The following EFNA5 variants were observed in gnomAD, a reference collection of about 807,000 sequenced individuals.
The protein encoded by EFNA5 is ephrin A5.
Under a neutral mutation model 22.9 loss-of-function variants are expected in EFNA5, and 5 were observed. The ratio of observed to expected loss-of-function variants is 0.22; its 90% CI spans 0.11 to 0.46. The LOEUF (loss-of-function observed/expected upper bound fraction) is 0.46, where lower values mean the gene tolerates loss of function less well. EFNA5 is among the 20% of genes least tolerant of loss of function. EFNA5 has a pLI of 0.99. For missense variants in EFNA5, 237 were observed against 293.3 expected, an observed-to-expected ratio of 0.81 and a Z score of 1.40; for synonymous variants, 113 against 112.2, an observed-to-expected ratio of 1.01 and a Z score of -0.04.
chr5:107,455,096 G>A (rs565540458), intron 1 of EFNA5, among the ~76,000 whole-genome samples: 2 of 152,280 alleles, frequency 1.3e-5, no homozygotes, highest in South Asian at 4.1e-4. Context: ...CTGTCAGTCA[G>A]CTGATGTCAA....
At chr5:107,657,637 T>C (rs1442210501) in intron 1 of EFNA5, among the ~76,000 whole-genome samples, 1 of 152,170 alleles carries the variant, frequency 6.6e-6, no homozygotes, top group Non-Finnish European at 1.5e-5. Flanking sequence ...AAATTTCTTT[T>C]TAAAATAAAA....
chr5:107,496,840 T>C (rs1362377887), intron 1 of EFNA5, among the ~76,000 whole-genome samples: 2 of 152,220 alleles, frequency 1.3e-5, no homozygotes, highest in African/African-American at 4.8e-5. Flanking sequence ...GACTAGGCCA[T>C]AATCTCCCTG....
In EFNA5 at chr5:107,660,447, A is replaced by G. The variant is rs80260856; in HGVS notation, c.125+10042T>C. Among the ~76,000 whole-genome samples the G allele has an allele frequency of 7.6e-3, 1,148 of 150,970 alleles. 20 individuals carry two copies. The highest frequency in any genetic ancestry group is 0.026 in the African/African-American group (1,058 of 41,166). ...CAATAAAGTATGTATACAATGCTAC[A>G]CCCATACTGAAACCAAGAAGAACAC... On this transcript the variant is annotated intron_variant, in intron 1 of 4. Transcript: ENST00000333274.
chr5:107,618,845 T>C (rs1387626783), intron 1 of EFNA5, among the ~76,000 whole-genome samples: 1 of 152,136 alleles, frequency 6.6e-6, no homozygotes, highest in Non-Finnish European at 1.5e-5. Flanking sequence ...TAGAAAACCA[T>C]CCTAACTCCT....
chr5:107,415,938 C>T (rs1269440331), intron 2 of EFNA5, among the ~76,000 whole-genome samples: 6 of 152,150 alleles, frequency 3.9e-5, no homozygotes, highest in Non-Finnish European at 8.8e-5. Flanking sequence ...GTTCACTAGG[C>T]TTTGCAATAT....
At chr5:107,423,042 G>A (rs917366893) in intron 2 of EFNA5, among the ~76,000 whole-genome samples, 2 of 152,146 alleles carry the variant, frequency 1.3e-5, no homozygotes, top group African/African-American at 4.8e-5. Flanking sequence ...TTACCCTAAT[G>A]CTGCAGACCC....
At chr5:107,592,631 C>G (rs921505328) in intron 1 of EFNA5, among the ~76,000 whole-genome samples, 6 of 152,058 alleles carry the variant, frequency 3.9e-5, no homozygotes, top group African/African-American at 1.4e-4. Context: ...AGCACCAGGC[C>G]GCAGTCAGAA....
intron 1 of EFNA5, among the ~76,000 whole-genome samples, chr5:107,575,277 C>T (rs1748904220): frequency 6.6e-6 from 1 of 152,122 alleles, no homozygotes; most frequent in Non-Finnish European, 1.5e-5. Context: ...TGTAAACAGA[C>T]TGACCTTAGT....
chr5:107,466,534 T>C (rs1368590047), intron 1 of EFNA5, among the ~76,000 whole-genome samples: 2 of 152,142 alleles, frequency 1.3e-5, no homozygotes, highest in African/African-American at 4.8e-5. Context: ...TCTGGGTGAA[T>C]GGAATGCTAC....
At chr5:107,445,147 C>T (rs953868580) in intron 1 of EFNA5, among the ~76,000 whole-genome samples, 11 of 151,992 alleles carry the variant, frequency 7.2e-5, no homozygotes, top group Non-Finnish European at 1.2e-4. Flanking sequence ...CTCAGCCTCC[C>T]GAGTAGCTTG....
At chr5:107,389,253 A>G (rs1026074486) in intron 2 of EFNA5, among the ~76,000 whole-genome samples, 80 of 152,348 alleles carry the variant, frequency 5.3e-4, no homozygotes, top group African/African-American at 1.9e-3. Flanking sequence ...ATTTACAGTA[A>G]CTAGTGTGTT....
In EFNA5 at chr5:107,584,132, G is replaced by A. The variant is rs183645517; in HGVS notation, c.125+86357C>T. ...ATCACTGAGGTCCAGGCTACTCTGG[G>A]AATATCAAGATTTTCCCCACAGGAC... On this transcript the variant is annotated intron_variant, in intron 1 of 4. Transcript: ENST00000333274. 2.8e-4 allele frequency among the ~76,000 whole-genome samples: 42 copies of A among 152,300 alleles called. No individual in the cohort carries two copies. The East Asian group carries it at 3.7e-3, about 13-fold the overall frequency.
chr5:107,560,401 G>A (rs1398645825), intron 1 of EFNA5, among the ~76,000 whole-genome samples: 1 of 152,212 alleles, frequency 6.6e-6, no homozygotes, highest in Non-Finnish European at 1.5e-5. Context: ...TCCTCTTCTA[G>A]TTAGGTATTA....
chr5:107,669,583 C>T (rs1019257737), intron 1 of EFNA5, among the ~76,000 whole-genome samples: 1 of 152,034 alleles, frequency 6.6e-6, no homozygotes, highest in Non-Finnish European at 1.5e-5. Context: ...TGCGACTGGC[C>T]GGTGTCCAGC....
At chr5:107,538,006 G>A (rs778445240) in intron 1 of EFNA5, among the ~76,000 whole-genome samples, 13 of 152,128 alleles carry the variant, frequency 8.5e-5, no homozygotes, top group Non-Finnish European at 1.5e-4. Context: ...AGATTAGAAT[G>A]GTGGGGAAGG....
chr5:107,615,684 C>A (rs1027757514), intron 1 of EFNA5, among the ~76,000 whole-genome samples: 12 of 152,158 alleles, frequency 7.9e-5, no homozygotes, highest in African/African-American at 1.4e-4. Flanking sequence ...CAAAAAAATT[C>A]TCTTGCACTC....
intron 1 of EFNA5, among the ~76,000 whole-genome samples, chr5:107,659,037 T>C (rs764399020): frequency 4.6e-5 from 7 of 152,210 alleles, no homozygotes; most frequent in Non-Finnish European, 1.0e-4. Flanking sequence ...AATATAATTA[T>C]ATGTATAAAA....
At chr5:107,499,378 C>T (rs1047009229) in intron 1 of EFNA5, among the ~76,000 whole-genome samples, 1 of 152,188 alleles carries the variant, frequency 6.6e-6, no homozygotes, top group Non-Finnish European at 1.5e-5. Flanking sequence ...AATTCGGCAA[C>T]TGTTGTTAAT....
chr5:107,652,270 C>T lies in EFNA5; in HGVS notation c.125+18219G>A, dbSNP rs552038375. Among the ~76,000 whole-genome samples, 23 of 152,292 alleles carry T rather than the reference C, an allele frequency of 1.5e-4. No individual in the cohort carries two copies. The South Asian group carries it at 4.8e-3, about 32-fold the overall frequency. On this transcript the variant is annotated intron_variant, in intron 1 of 4. Coordinates refer to ENST00000333274, the MANE Select transcript of EFNA5 (RefSeq NM_001962.3). ...GGTTACAGCCAGTAGGCCTTTGCTC[C>T]TGTTCCTAAGGATCCCTGGAATATT...
Sources: allele counts gnomAD v4.1 joint callset (sites outside exome capture counted in the v4.1 genomes callset), GRCh38; gene constraint gnomAD v4.1.1; transcripts MANE v1.5; gene names NCBI Gene and HGNC (gene_info 2026-07-23, HGNC 2026-07-21).